NTM: variants seen among roughly 807,000 people sequenced by gnomAD.
NTM encodes IgLON family member 2.
NTM carries 13 observed loss-of-function variants against 42.1 expected under a neutral mutation model. The observed-to-expected ratio is 0.31, with a 90% CI of 0.20 to 0.49. The LOEUF is 0.49. Ranked by LOEUF, NTM falls within the 20% of genes least tolerant of loss-of-function variation. NTM has a pLI of 0.99. For missense variants in NTM, 373 were observed against 452.8 expected, an observed-to-expected ratio of 0.82 and a Z score of 1.60; for synonymous variants, 187 against 179.2, an observed-to-expected ratio of 1.04 and a Z score of -0.35.
At chr11:131,794,576 A>G in intron 1 of NTM, 1 of 985,328 alleles carries the variant, frequency 1.0e-6, no homozygotes, top group Non-Finnish European at 1.2e-6. Context: ...CAAGTGCTTG[A>G]ATAAGAAATG....
chr11:131,867,895 G>A (rs2047387454), intron 1 of NTM, among the ~76,000 whole-genome samples: 1 of 152,166 alleles, frequency 6.6e-6, no homozygotes, highest in Admixed American at 6.5e-5. Context: ...GGGAGGCCAG[G>A]CTGAACTGCC....
intron 1 of NTM, among the ~76,000 whole-genome samples, chr11:131,800,404 C>G (rs1207437421): frequency 1.3e-5 from 2 of 152,226 alleles, no homozygotes; most frequent in Non-Finnish European, 2.9e-5. Context: ...CTTCCTGGCC[C>G]CAAGGCTCTC....
chr11:131,809,837 A>C (rs760560038), intron 1 of NTM, among the ~76,000 whole-genome samples: 5 of 152,150 alleles, frequency 3.3e-5, no homozygotes, highest in African/African-American at 4.8e-5. Context: ...TAGGTGAGCT[A>C]TTGGGCTCTG....
At chr11:131,612,065 A>G (rs951290757) in intron 1 of NTM, among the ~76,000 whole-genome samples, 1 of 152,158 alleles carries the variant, frequency 6.6e-6, no homozygotes, top group African/African-American at 2.4e-5. Flanking sequence ...CACATTTGCC[A>G]CCACATCCTA....
intron 1 of NTM, among the ~76,000 whole-genome samples, chr11:131,451,318 T>C (rs1950470974): frequency 6.6e-6 from 1 of 152,086 alleles, no homozygotes; most frequent in African/African-American, 2.4e-5. Context: ...AGATGAGTAT[T>C]TTCTCTGGAT....
chr11:131,426,534 A>G (rs1404913668), intron 1 of NTM, among the ~76,000 whole-genome samples: 3 of 152,230 alleles, frequency 2.0e-5, no homozygotes, highest in Admixed American at 6.5e-5. Context: ...GGTCTGCGAA[A>G]TCAGATCTAA....
intron 2 of NTM, among the ~76,000 whole-genome samples, chr11:131,956,315 A>G (rs992318876): frequency 6.6e-6 from 1 of 152,154 alleles, no homozygotes; most frequent in African/African-American, 2.4e-5. Flanking sequence ...TGAAAGTCCT[A>G]GTTATTAAAT....
chr11:131,400,517 A>G (rs920923954), intron 1 of NTM, among the ~76,000 whole-genome samples: 8 of 152,154 alleles, frequency 5.3e-5, no homozygotes, highest in Admixed American at 5.2e-4. Flanking sequence ...GACCTTCAAC[A>G]ATTTATTTAC....
chr11:132,083,178 C>T (rs749172506), intron 2 of NTM, among the ~76,000 whole-genome samples: 7 of 152,160 alleles, frequency 4.6e-5, no homozygotes, highest in Non-Finnish European at 8.8e-5. Flanking sequence ...CTGTTTACTT[C>T]AGAGGAATGA....
intron 1 of NTM, among the ~76,000 whole-genome samples, chr11:131,478,607 C>CT (rs1953211872): frequency 6.6e-6 from 1 of 152,116 alleles, no homozygotes; most frequent in Non-Finnish European, 1.5e-5. Context: ...TTCATATGGA[C>CT]TAGTAGCCTC....
intron 1 of NTM, among the ~76,000 whole-genome samples, chr11:131,892,296 G>A (rs888834862): frequency 1.4e-4 from 21 of 152,268 alleles, no homozygotes; most frequent in East Asian, 5.8e-4. Flanking sequence ...AATTTATTCC[G>A]CAAATCTAAC....
At chr11:131,707,510 C>A (rs528419619) in intron 1 of NTM, among the ~76,000 whole-genome samples, 1 of 152,086 alleles carries the variant, frequency 6.6e-6, no homozygotes, top group East Asian at 1.9e-4. Flanking sequence ...GATATATTCC[C>A]AGAAGTGGAA....
At chr11:131,505,451 A>G (rs2047367960) in intron 1 of NTM, among the ~76,000 whole-genome samples, 1 of 152,180 alleles carries the variant, frequency 6.6e-6, no homozygotes, top group Non-Finnish European at 1.5e-5. Flanking sequence ...CTCCATCACC[A>G]AGCGTTTTCC....
At chr11:132,027,351 G>A (rs1266838821) in intron 2 of NTM, among the ~76,000 whole-genome samples, 5 of 152,216 alleles carry the variant, frequency 3.3e-5, no homozygotes, top group Non-Finnish European at 7.3e-5. Context: ...ATCAATTTAT[G>A]TAGATCAGAA....
Position 132,291,690 on chromosome 11 carries a change from T to C in NTM, c.527-15999T>C, listed in dbSNP as rs115004069. On this transcript the variant is annotated intron_variant, in intron 4 of 8. Transcript: ENST00000683400. ...CAGGAAAGGAGATTTTGAAGGACTA[T>C]CCAGAGAGGTGGTTGGGCAGTTAGG... is the stretch of plus-strand genomic sequence containing the variant. Among the ~76,000 whole-genome samples, 1,180 of 152,272 alleles carry C rather than the reference T, an allele frequency of 7.7e-3. 21 individuals carry two copies. The highest frequency in any genetic ancestry group is 0.027 in the African/African-American group (1,110 of 41,558).
intron 1 of NTM, among the ~76,000 whole-genome samples, chr11:131,713,037 T>C (rs2135319868): frequency 6.6e-6 from 1 of 152,200 alleles, no homozygotes; most frequent in African/African-American, 2.4e-5. Flanking sequence ...CTCATGGTGG[T>C]GTGTATGTCT....
intron 1 of NTM, among the ~76,000 whole-genome samples, chr11:131,758,160 G>T (rs907613577): frequency 1.3e-5 from 2 of 152,070 alleles, no homozygotes; most frequent in African/African-American, 2.4e-5. Flanking sequence ...CTCTATCCTC[G>T]TCGGTGGCCA....
At chr11:131,729,009 G>A (rs144944437) in intron 1 of NTM, among the ~76,000 whole-genome samples, 1 of 152,198 alleles carries the variant, frequency 6.6e-6, no homozygotes, top group South Asian at 2.1e-4. Context: ...ATGCATCATA[G>A]GGTTGAGATA....
At chr11:131,487,480 A>G (rs1954302246) in intron 1 of NTM, among the ~76,000 whole-genome samples, 1 of 152,194 alleles carries the variant, frequency 6.6e-6, no homozygotes, top group Non-Finnish European at 1.5e-5. Context: ...CCCAATTGAA[A>G]TCCAGTAGCC....
Sources: allele counts gnomAD v4.1 joint callset (sites outside exome capture counted in the v4.1 genomes callset), GRCh38; gene constraint gnomAD v4.1.1; transcripts MANE v1.5; gene names NCBI Gene and HGNC (gene_info 2026-07-23, HGNC 2026-07-21).